CDC42SE2: variants seen among roughly 807,000 people sequenced by gnomAD.
CDC42SE2 encodes CDC42 small effector protein 2.
Under a neutral mutation model 11.5 loss-of-function variants are expected in CDC42SE2, and 3 were observed. That is an observed-to-expected ratio of 0.26 (90% CI 0.12 to 0.67). The LOEUF (loss-of-function observed/expected upper bound fraction) is 0.67. CDC42SE2 is among the 30% of genes least tolerant of loss of function. The pLI, the probability that CDC42SE2 is intolerant of heterozygous loss-of-function variation, is 0.80. For missense variants in CDC42SE2, 82 were observed against 106.8 expected (o/e 0.77, Z 1.02); for synonymous variants, 33 against 34.8 (o/e 0.95, Z 0.18).
intron 2 of CDC42SE2, among the ~76,000 whole-genome samples, chr5:131,342,436 T>C (rs1353530775): frequency 7.1e-6 from 1 of 140,392 alleles, no homozygotes; most frequent in Non-Finnish European, 1.5e-5. Flanking sequence ...GTCACTGGGC[T>C]GGAGTGCAGT....
At chr5:131,277,491 T>G (rs1446849633) in intron 1 of CDC42SE2, among the ~76,000 whole-genome samples, 1 of 152,214 alleles carries the variant, frequency 6.6e-6, no homozygotes, top group African/African-American at 2.4e-5. Flanking sequence ...TGAAGTTGTT[T>G]CTCAACCCAT....
chr5:131,302,500 A>G (rs1017482201), intron 1 of CDC42SE2, among the ~76,000 whole-genome samples: 2 of 151,866 alleles, frequency 1.3e-5, no homozygotes, highest in African/African-American at 4.8e-5. Flanking sequence ...TTTTTAATAG[A>G]GACGGGGGTT....
At chr5:131,283,412 G>A (rs1053871493) in intron 1 of CDC42SE2, among the ~76,000 whole-genome samples, 1 of 151,946 alleles carries the variant, frequency 6.6e-6, no homozygotes, top group African/African-American at 2.4e-5. Context: ...GGAATCATGC[G>A]ATATGTGACC....
intron 2 of CDC42SE2, among the ~76,000 whole-genome samples, chr5:131,333,282 G>A (rs573342118): frequency 1.3e-4 from 20 of 152,224 alleles, no homozygotes; most frequent in African/African-American, 4.8e-4. Flanking sequence ...AGTTGTAGAT[G>A]TGCGGCATTA....
intron 2 of CDC42SE2, among the ~76,000 whole-genome samples, chr5:131,325,694 C>G (rs938265035): frequency 1.3e-5 from 2 of 152,132 alleles, no homozygotes; most frequent in Non-Finnish European, 2.9e-5. Context: ...AAACTGAGGT[C>G]CCATCTCATG....
rs1171213231 is a variant in CDC42SE2 at position 131,323,547 on chromosome 5, GTTTTTTTTTTTTTTTTT to G, written c.-286+7413_-286+7429del. ...AAGGGATTGTACCTCTCTCTCTCTG[GTTTTTTTTTTTTTTTTT>G]TTTTTTTTTGTATTTAAATGTGAGT... is the stretch of plus-strand genomic sequence containing the variant. On this transcript the variant is annotated intron_variant, in intron 2 of 4. Coordinates refer to ENST00000505065, the MANE Select transcript of CDC42SE2 (RefSeq NM_001375635.1). Among the ~76,000 whole-genome samples the G allele has an allele frequency of 1.3e-4, 11 of 82,548 alleles. 2 individuals carry two copies. The allele number at this position is 82,548 out of a possible 152,430, so 54.2% of individuals were successfully genotyped here. A position where few individuals can be genotyped will look rare whatever the true frequency, so the allele number is the denominator to read the frequency against.
intron 2 of CDC42SE2, among the ~76,000 whole-genome samples, chr5:131,317,304 A>G (rs1217771407): frequency 6.6e-6 from 1 of 152,304 alleles, no homozygotes; most frequent in East Asian, 1.9e-4. Context: ...ATGTTTGAGT[A>G]TTGGCTTTCA....
chr5:131,307,178 C>T (rs1757796719), intron 1 of CDC42SE2, among the ~76,000 whole-genome samples: 1 of 151,508 alleles, frequency 6.6e-6, no homozygotes, highest in Admixed American at 6.6e-5. Context: ...AACTCGTCAT[C>T]TAGCATTAGG....
chr5:131,342,495 T>TTC (rs1162911838), intron 2 of CDC42SE2, among the ~76,000 whole-genome samples: 1 of 147,934 alleles, frequency 6.8e-6, no homozygotes, highest in Non-Finnish European at 1.5e-5. Flanking sequence ...GTTCAAGTGA[T>TTC]TCTCCTGCCT....
intron 3 of CDC42SE2, among the ~76,000 whole-genome samples, chr5:131,380,130 GT>G (rs1052656126): frequency 3.3e-5 from 5 of 151,716 alleles, no homozygotes; most frequent in African/African-American, 1.2e-4. Flanking sequence ...ATTTTCCATA[GT>G]TATTGGGGCT....
rs150719405 is a variant in CDC42SE2 at position 131,351,173 on chromosome 5, C to T, written c.-285-8036C>T. On this transcript the variant is annotated intron_variant, in intron 2 of 4. Coordinates refer to ENST00000505065, the MANE Select transcript of CDC42SE2 (RefSeq NM_001375635.1). ...CCCAGTTGCCCAGGCTGGTCTTGAACTCCTGAGCTCCAGCAATCCACCCTC... is the reference window on the plus strand; with the variant it reads ...CCCAGTTGCCCAGGCTGGTCTTGAATTCCTGAGCTCCAGCAATCCACCCTC... 4.1e-3 allele frequency among the ~76,000 whole-genome samples: 624 copies of T among 152,064 alleles called. 4 individuals carry two copies. Among genetic ancestry groups the T allele is most frequent in the African/African-American group, 0.013 (540 of 41,490 alleles).
intron 2 of CDC42SE2, among the ~76,000 whole-genome samples, chr5:131,334,141 A>G (rs199705653): frequency 1.3e-5 from 2 of 152,178 alleles, no homozygotes; most frequent in African/African-American, 4.8e-5. Flanking sequence ...ATGTCCCATC[A>G]ACACCTAATT....
rs1192572692 is a variant in CDC42SE2, at chr5:131,394,185, A to G, written c.*3094A>G. 6.6e-6 allele frequency: 1 copy of G among 152,338 alleles called. No homozygotes were observed. 9.4% of individuals were successfully genotyped at this position (152,338 alleles called of 1,614,324 possible). A position where few individuals can be genotyped will look rare whatever the true frequency, so the allele number is the denominator to read the frequency against. On this transcript the variant is annotated 3_prime_UTR_variant, in exon 5 of 5. Coordinates refer to ENST00000505065, the MANE Select transcript of CDC42SE2 (RefSeq NM_001375635.1). ...GAATTAAATAGGATTTTACTACTCA[A>G]CATTCATTATACTGTTAATCTTTGC...
chr5:131,265,131 T>G (rs1056832595), intron 1 of CDC42SE2, among the ~76,000 whole-genome samples: 1 of 152,228 alleles, frequency 6.6e-6, no homozygotes, highest in African/African-American at 2.4e-5. Context: ...ATTTTTGATA[T>G]ACGTTTTTTA....
At chr5:131,281,750 G>C (rs1232118237) in intron 1 of CDC42SE2, among the ~76,000 whole-genome samples, 1 of 152,170 alleles carries the variant, frequency 6.6e-6, no homozygotes, top group African/African-American at 2.4e-5. Flanking sequence ...GTGGCAGAAA[G>C]AATATGGACT....
intron 2 of CDC42SE2, 138 bp from the exon 3 acceptor site, chr5:131,359,071 T>C (rs1186359274): frequency 6.4e-6 from 1 of 156,824 alleles, no homozygotes; most frequent in East Asian, 1.9e-4. Context: ...AAATAATTTG[T>C]TGAATCAATA....
intron 1 of CDC42SE2, among the ~76,000 whole-genome samples, chr5:131,282,497 T>C (rs1757256388): frequency 6.6e-6 from 1 of 152,204 alleles, no homozygotes; most frequent in Non-Finnish European, 1.5e-5. Context: ...TTTGGCATAT[T>C]TGTGTGTATT....
At chr5:131,333,082 AG>A (rs1554098389) in intron 2 of CDC42SE2, among the ~76,000 whole-genome samples, 1 of 152,138 alleles carries the variant, frequency 6.6e-6, no homozygotes, top group Non-Finnish European at 1.5e-5. Context: ...GTTTTCTTCT[AG>A]GGTTTTTATG....
At chr5:131,318,311 A>G (rs182813614) in intron 2 of CDC42SE2, among the ~76,000 whole-genome samples, 13 of 152,280 alleles carry the variant, frequency 8.5e-5, no homozygotes, top group Admixed American at 6.5e-4. Flanking sequence ...ATGCAGTAGT[A>G]CCATTATTTA....
Sources: allele counts gnomAD v4.1 joint callset (sites outside exome capture counted in the v4.1 genomes callset), GRCh38; gene constraint gnomAD v4.1.1; transcripts MANE v1.5; gene names NCBI Gene and HGNC (gene_info 2026-07-23, HGNC 2026-07-21).